SERGEF: variants seen among roughly 807,000 people sequenced by gnomAD.
The protein encoded by SERGEF is secretion-regulating guanine nucleotide exchange factor.
In SERGEF, 51 loss-of-function variants were observed where a neutral mutation model predicts 50.0. The ratio of observed to expected loss-of-function variants is 1.02; its 90% confidence interval spans 0.81 to 1.29. The LOEUF (loss-of-function observed/expected upper bound fraction) is 1.29, where lower values mean the gene tolerates loss of function less well. Among genes scored for constraint, SERGEF ranks in the 50% most tolerant of loss-of-function variants. SERGEF has a pLI of 0.00. For missense variants in SERGEF, 521 were observed against 557.0 expected, an observed-to-expected ratio of 0.94 and a Z score of 0.65; for synonymous variants, 205 against 212.4, an observed-to-expected ratio of 0.97 and a Z score of 0.30.
rs192074491 is a variant in SERGEF at position 17,868,392 on chromosome 11, C to A, written c.1048+9816G>T. On this transcript the variant is annotated intron_variant, in intron 10 of 10. Transcript: ENST00000265965. ...GGATCACCTTTACTCCAGTTCCCAA[C>A]AAGTTCCTCATCTCCATCTTAGACC... is the stretch of plus-strand genomic sequence containing the variant. Among the ~76,000 whole-genome samples, 456 of 152,332 alleles carry A rather than the reference C, an allele frequency of 3.0e-3. 1 individual carries two copies. Among genetic ancestry groups the A allele is most frequent in the African/African-American group, 0.01 (421 of 41,570 alleles).
At chr11:17,913,750 A>G (rs1393000004) in intron 9 of SERGEF, among the ~76,000 whole-genome samples, 3 of 152,000 alleles carry the variant, frequency 2.0e-5, no homozygotes, top group Non-Finnish European at 4.4e-5. Flanking sequence ...CCAAGAGAAA[A>G]GAGACCTGTG....
chr11:17,918,339 C>T (rs1852085480), intron 9 of SERGEF, among the ~76,000 whole-genome samples: 2 of 152,196 alleles, frequency 1.3e-5, no homozygotes, highest in Admixed American at 1.3e-4. Flanking sequence ...ATGGCTTCTA[C>T]AAGAACATGC....
intron 8 of SERGEF, among the ~76,000 whole-genome samples, chr11:17,984,835 G>A (rs914401567): frequency 6.6e-6 from 1 of 152,202 alleles, no homozygotes; most frequent in Non-Finnish European, 1.5e-5. Flanking sequence ...CTGATCATCT[G>A]TTATGTATCA....
intron 9 of SERGEF, among the ~76,000 whole-genome samples, chr11:17,881,090 C>G (rs1424500599): frequency 6.6e-6 from 1 of 152,214 alleles, no homozygotes; most frequent in African/African-American, 2.4e-5. Flanking sequence ...ATAACCTTCA[C>G]AGCTAGACAA....
chr11:17,887,959 G>A (rs181989258), intron 9 of SERGEF, among the ~76,000 whole-genome samples: 2 of 152,248 alleles, frequency 1.3e-5, no homozygotes, highest in Admixed American at 6.5e-5. Flanking sequence ...CTGTATTTAC[G>A]GCTGCTTCCC....
At chr11:17,837,170 C>T (rs1380898084) in intron 10 of SERGEF, among the ~76,000 whole-genome samples, 2 of 152,148 alleles carry the variant, frequency 1.3e-5, no homozygotes, top group Non-Finnish European at 2.9e-5. Context: ...CCCCACACCC[C>T]CATCCCCAAG....
intron 2 of SERGEF, among the ~76,000 whole-genome samples, chr11:18,007,536 T>TATCCTAGATACAG (rs1439164087): frequency 2.0e-5 from 3 of 152,214 alleles, no homozygotes; most frequent in African/African-American, 7.2e-5. Flanking sequence ...TGTTAAGTGC[T>TATCCTAGATACAG]ATCCTAGATA....
chr11:17,788,247 G>A lies in SERGEF; in HGVS notation c.1215C>T (p.His405=), dbSNP rs1438639226. Reference sequence around the variant, plus strand: ...CCTTGGGGTCCTGGACCAATGCAGGGTGAGCTGGCAGCTGGCAGAGGGCCA... The same window carrying A: ...CCTTGGGGTCCTGGACCAATGCAGGATGAGCTGGCAGCTGGCAGAGGGCCA... The part of the protein sequence containing the change: ...HSLALCQLPA[H]PALVQDPKVT... The change falls in exon 11 of 11, where the codon CAC becomes CAT. Residue 405 remains histidine, a synonymous_variant. Transcript: ENST00000265965. 27 of 1,613,808 alleles carry A rather than the reference G, an allele frequency of 1.7e-5. No homozygotes were observed. Among genetic ancestry groups the A allele is most frequent in the Non-Finnish European group, 2.1e-5 (25 of 1,179,920 alleles).
intron 10 of SERGEF, among the ~76,000 whole-genome samples, chr11:17,866,008 T>C (rs895944118): frequency 1.3e-5 from 2 of 152,222 alleles, no homozygotes; most frequent in African/African-American, 4.8e-5. Context: ...TCTTTAATCT[T>C]TTGTACCATA....
intron 6 of SERGEF, among the ~76,000 whole-genome samples, chr11:17,995,383 C>T (rs1853815372): frequency 2.0e-5 from 3 of 152,158 alleles, no homozygotes; most frequent in Non-Finnish European, 2.9e-5. Flanking sequence ...TCCTCATGTC[C>T]TCTTGGTCAG....
intron 10 of SERGEF, 151 bp from the exon 11 acceptor site, chr11:17,788,564 A>C: frequency 4.8e-6 from 3 of 620,204 alleles, no homozygotes; most frequent in East Asian, 6.0e-5. Flanking sequence ...CCCCATCCCT[A>C]CTTCCTTCCC....
At chr11:17,912,347 TA>T (rs911139752) in intron 9 of SERGEF, among the ~76,000 whole-genome samples, 3 of 152,152 alleles carry the variant, frequency 2.0e-5, no homozygotes. Context: ...AATTTTTCTT[TA>T]AAAAAACACA....
intron 9 of SERGEF, among the ~76,000 whole-genome samples, chr11:17,905,076 G>A (rs1485629795): frequency 6.6e-6 from 1 of 152,200 alleles, no homozygotes; most frequent in East Asian, 1.9e-4. Context: ...ACATCTATAA[G>A]AATATGGGTA....
intron 10 of SERGEF, among the ~76,000 whole-genome samples, chr11:17,853,100 C>T (rs1850743493): frequency 6.6e-6 from 1 of 152,050 alleles, no homozygotes; most frequent in Non-Finnish European, 1.5e-5. Flanking sequence ...ATTGTGTGAC[C>T]CTAGGCAACT....
chr11:17,814,709 A>C (rs963923084), intron 10 of SERGEF, among the ~76,000 whole-genome samples: 1 of 152,206 alleles, frequency 6.6e-6, no homozygotes, highest in South Asian at 2.1e-4. Context: ...GTATCACCCT[A>C]GGTCTGTGAG....
chr11:17,940,400 C>A (rs905424015), intron 9 of SERGEF, among the ~76,000 whole-genome samples: 6 of 152,098 alleles, frequency 3.9e-5, no homozygotes, highest in Non-Finnish European at 7.4e-5. Context: ...GTGACCGCAT[C>A]CCCCACCACC....
intron 8 of SERGEF, among the ~76,000 whole-genome samples, chr11:17,962,108 T>G (rs1853014615): frequency 6.6e-6 from 1 of 152,210 alleles, no homozygotes; most frequent in Admixed American, 6.5e-5. Context: ...GCCAGTGGTA[T>G]CTCCAATGAT....
chr11:17,947,714 T>G (rs1252244453), intron 9 of SERGEF, among the ~76,000 whole-genome samples: 1 of 152,250 alleles, frequency 6.6e-6, no homozygotes, highest in Non-Finnish European at 1.5e-5. Flanking sequence ...GCTGCCACTA[T>G]GTTAGCTCTG....
At chr11:17,821,264 C>G (rs1469741990) in intron 10 of SERGEF, among the ~76,000 whole-genome samples, 1 of 152,176 alleles carries the variant, frequency 6.6e-6, no homozygotes, top group Admixed American at 6.5e-5. Context: ...ATAAACCACA[C>G]AGATTGTGGT....
Sources: gnomAD v4.1 joint callset for allele counts (sites outside exome capture counted in the v4.1 genomes callset) on GRCh38, gnomAD v4.1.1 for gene constraint, MANE v1.5 for transcripts, NCBI Gene and HGNC (gene_info 2026-07-23, HGNC 2026-07-21) for gene names.